Variants in MAN2B1 observed in about 807,000 individuals in gnomAD.
The protein encoded by MAN2B1 is mannosidase alpha class 2B member 1.
In MAN2B1, 99 loss-of-function variants were observed where a neutral mutation model predicts 127.5. The ratio of observed to expected loss-of-function variants is 0.78; its 90% CI spans 0.66 to 0.92. The LOEUF (loss-of-function observed/expected upper bound fraction) is 0.92. MAN2B1 is among the 40% of genes least tolerant of loss of function. The pLI is 0.00. For missense variants in MAN2B1, 1,304 were observed against 1,384.8 expected, an observed-to-expected ratio of 0.94 and a Z score of 0.93; for synonymous variants, 573 against 568.8, an observed-to-expected ratio of 1.01 and a Z score of -0.11.
intron 13 of MAN2B1, 102 bp downstream of exon 13, chr19:12,656,469 G>T: frequency 1.3e-6 from 1 of 792,338 alleles, no homozygotes. Context: ...ATATGCATGA[G>T]TGGGAGGTAT....
chr19:12,660,543 T>G (rs965189498), intron 7 of MAN2B1, among the ~76,000 whole-genome samples: 2 of 151,212 alleles, frequency 1.3e-5, no homozygotes, highest in Non-Finnish European at 2.9e-5. Context: ...GCAGAAGAGG[T>G]GAGAATGAGA....
Position 12,648,370 on chromosome 19 carries a change from G to A in MAN2B1, c.2469C>T (p.Arg823=), listed in dbSNP as rs561895292. ...VHRRLLKDDG[R]GVSEPLMENG... ...TCTCCATTAGTGGCTCCGATACTCCGCGTCCATCGTCCTTCAGCAGCCTTC... is the reference window on the plus strand; with the variant it reads ...TCTCCATTAGTGGCTCCGATACTCCACGTCCATCGTCCTTCAGCAGCCTTC... The change falls in exon 21 of 24, where the codon CGC becomes CGT. Residue 823 remains arginine, a synonymous_variant. Transcript: ENST00000456935. The A allele has an allele frequency of 1.6e-5, 26 of 1,613,318 alleles. No homozygotes were observed. In the South Asian group the frequency reaches 2.7e-4, roughly 17 times the overall value.
At chr19:12,648,569 TC>T (rs1321441922) in intron 20 of MAN2B1, among the ~76,000 whole-genome samples, 167 bp from the exon 21 acceptor site, 1 of 152,014 alleles carries the variant, frequency 6.6e-6, no homozygotes, top group East Asian at 1.9e-4. Context: ...AGAGGCAGGA[TC>T]CAAGTAGGCA....
At position 12,664,859 on chromosome 19, in the gene MAN2B1, C is replaced by A; in HGVS notation, c.563G>T (p.Arg188Leu). ...FLEDTFGNDG[R>L]PRVAWHIDPF... ...GTCAATGTGCCAGGCCACACGGGGTCGCCCATCATTGCCAAATGTGTCCTC... is the reference window on the plus strand; with the variant it reads ...GTCAATGTGCCAGGCCACACGGGGTAGCCCATCATTGCCAAATGTGTCCTC... The change falls in exon 4 of 24, where the codon CGA (arginine) becomes CTA (leucine). Residue 188 changes from arginine to leucine, a missense_variant. Transcript: ENST00000456935. 6.2e-7 allele frequency: 1 copy of A among 1,613,986 alleles called. No homozygotes were observed. The highest frequency in any genetic ancestry group is 1.1e-5 in the South Asian group (1 of 91,052).
chr19:12,650,491 TG>T (rs2023818531), intron 16 of MAN2B1, among the ~76,000 whole-genome samples: 1 of 144,848 alleles, frequency 6.9e-6, no homozygotes, highest in African/African-American at 2.6e-5. Context: ...CCCGAGTAGC[TG>T]GGACTACAGG....
chr19:12,664,610 G>A (rs1256826023), intron 4 of MAN2B1, among the ~76,000 whole-genome samples, 182 bp downstream of exon 4: 1 of 152,150 alleles, frequency 6.6e-6, no homozygotes, highest in Non-Finnish European at 1.5e-5. Flanking sequence ...GCTGGGCATA[G>A]CCGGCTGAGG....
chr19:12,653,135 G>C (rs887672710), intron 14 of MAN2B1, among the ~76,000 whole-genome samples: 5 of 131,910 alleles, frequency 3.8e-5, no homozygotes, highest in African/African-American at 1.4e-4. Flanking sequence ...CACCTGGCCT[G>C]GGTTTTTTGT....
rs769653813 is a variant in MAN2B1, at chr19:12,655,737, A to C, written c.1787T>G (p.Ile596Ser). 9 of 1,608,564 alleles carry C rather than the reference A, an allele frequency of 5.6e-6. No homozygotes were observed. The Admixed American group carries it at 8.4e-5, about 15-fold the overall frequency. The change falls in exon 14 of 24, where the codon ATC becomes AGC. Residue 596 changes from isoleucine (I) to serine (S), a missense_variant. Transcript: ENST00000456935. Reference sequence around the variant, plus strand: ...AGCAGGGGACCAGGATCTTCTGGGGATGGGCTGTGGTGCGCGGGCCTGGGG... The same window carrying C: ...AGCAGGGGACCAGGATCTTCTGGGGCTGGGCTGTGGTGCGCGGGCCTGGGG... ...WKPQARAPQP[I>S]PRRSWSPALT...
At chr19:12,661,996 C>T (rs1158885273) in intron 6 of MAN2B1, among the ~76,000 whole-genome samples, 1 of 152,076 alleles carries the variant, frequency 6.6e-6, no homozygotes, top group African/African-American at 2.4e-5. Context: ...AGGCGTGCGC[C>T]ACCACACCCG....
chr19:12,650,315 A>C, intron 16 of MAN2B1, 93 bp from the exon 17 acceptor site: 1 of 801,500 alleles, frequency 1.2e-6, no homozygotes, highest in Non-Finnish European at 2.2e-6. Flanking sequence ...AACCCCATTA[A>C]GGCCTACATC....
At chr19:12,659,620 A>C (rs1240294600) in intron 7 of MAN2B1, among the ~76,000 whole-genome samples, 1 of 150,106 alleles carries the variant, frequency 6.7e-6, no homozygotes, top group Admixed American at 6.6e-5. Context: ...GAGTTTTGAG[A>C]CCAGCCTGGC....
chr19:12,661,918 C>T (rs994776569), intron 6 of MAN2B1, among the ~76,000 whole-genome samples: 2 of 151,940 alleles, frequency 1.3e-5, no homozygotes, highest in African/African-American at 4.8e-5. Context: ...GATCTCGGCT[C>T]ACTGCAACCT....
intron 14 of MAN2B1, among the ~76,000 whole-genome samples, chr19:12,652,995 G>C (rs917228427): frequency 6.6e-6 from 1 of 151,570 alleles, no homozygotes; most frequent in Non-Finnish European, 1.5e-5. Flanking sequence ...CACCATGCCT[G>C]GCTAATTTTT....
chr19:12,650,118 C>T lies in MAN2B1; in HGVS notation c.2151G>A (p.Gly717=), dbSNP rs746606611. Reference sequence around the variant, plus strand: ...GTGCCACTCACCCCACAGGTATCGGCCCCACCGACCACTCTAGCTCCAGGT... The same window carrying T: ...GTGCCACTCACCCCACAGGTATCGGTCCCACCGACCACTCTAGCTCCAGGT... ...QRHLELEWSV[G]PIPVGDTWGK... is the part of the protein sequence containing the mutation. Residue 717 remains glycine, a synonymous_variant, in exon 17 of 24, where the codon GGG becomes GGA. Transcript: ENST00000456935. 3.1e-6 allele frequency: 5 copies of T among 1,613,974 alleles called. No homozygotes were observed. Among genetic ancestry groups the T allele is most frequent in the Non-Finnish European group, 4.2e-6 (5 of 1,179,950 alleles).
chr19:12,658,605 G>A (rs2024032906), intron 7 of MAN2B1, 95 bp from the exon 8 acceptor site: 5 of 1,098,182 alleles, frequency 4.6e-6, no homozygotes, highest in Non-Finnish European at 6.8e-6. Flanking sequence ...GCATCCCATA[G>A]GTTCAGTTTC....
chr19:12,658,359 G>A lies in MAN2B1; in HGVS notation c.1110-15C>T, dbSNP rs202085731. On this transcript the variant is annotated splice_polypyrimidine_tract_variant and intron_variant, in intron 8 of 23. Coordinates refer to ENST00000456935, the MANE Select transcript of MAN2B1 (RefSeq NM_000528.4). ...GTTTCACTGACCTACAGCGGCAGGGGCATTGAGGGCAGGGTCATGACCCAC... is the reference window on the plus strand; with the variant it reads ...GTTTCACTGACCTACAGCGGCAGGGACATTGAGGGCAGGGTCATGACCCAC... 211 of 1,614,236 alleles carry A rather than the reference G, an allele frequency of 1.3e-4. No homozygotes were observed. The East Asian group carries it at 3.2e-3, about 24-fold the overall frequency.
At position 12,647,468 on chromosome 19, in the gene MAN2B1, C is replaced by T; in HGVS notation, c.2795G>A (p.Ser932Asn). 1.2e-6 allele frequency: 2 copies of T among 1,614,232 alleles called. No individual in the cohort carries two copies. The highest frequency in any genetic ancestry group is 1.7e-6 in the Non-Finnish European group (2 of 1,180,042). Residue 932 changes from serine to asparagine, a missense_variant, in exon 22 of 24, where the codon AGC becomes AAC. Physicochemically the swap from Ser to Asn is conservative, Grantham distance 46. Coordinates refer to ENST00000456935, the MANE Select transcript of MAN2B1 (RefSeq NM_000528.4). The surrounding 1 kb of genome is among the most constrained non-coding windows in gnomAD (Gnocchi z 4.9). Reference protein sequence around the residue: ...AVGEDSGRNLSAPVTLNLRDL... With the variant: ...AVGEDSGRNLNAPVTLNLRDL... ...CCTCAAGTTCAAGGTAACGGGGGCG[C>T]TCAGGTTACGTCCGGAATCCTCTCC...
rs1362644583 is a variant in MAN2B1 at position 12,665,423 on chromosome 19, G to A, written c.365C>T (p.Ala122Val). ...CTGGTGCCACCAACGGGAGAAGAAGGCAATCTCCACGTAAATGAAGCGACG... is the reference window on the plus strand; with the variant it reads ...CTGGTGCCACCAACGGGAGAAGAAGACAATCTCCACGTAAATGAAGCGACG... ...PTRRFIYVEIAFFSRWWHQQT... is the reference protein window; with the variant it reads ...PTRRFIYVEIVFFSRWWHQQT... Residue 122 changes from alanine (A) to valine (V), a missense_variant, in exon 3 of 24, where the codon GCC becomes GTC. By Grantham distance (64) the Ala-to-Val change is moderately conservative (BLOSUM62 0). Transcript: ENST00000456935. 6.2e-7 allele frequency: 1 copy of A among 1,613,024 alleles called. No individual in the cohort carries two copies. Among genetic ancestry groups the A allele is most frequent in the Non-Finnish European group, 8.5e-7 (1 of 1,179,906 alleles).
chr19:12,662,775 T>C (rs965850996), intron 6 of MAN2B1, among the ~76,000 whole-genome samples: 1 of 149,622 alleles, frequency 6.7e-6, no homozygotes. Context: ...CCCTGTCTAC[T>C]AAAAATACAA....
Sources: allele counts gnomAD v4.1 joint callset (sites outside exome capture counted in the v4.1 genomes callset), GRCh38; gene constraint gnomAD v4.1.1; non-coding constraint Gnocchi (gnomAD v3.1); transcripts MANE v1.5; gene names NCBI Gene and HGNC (gene_info 2026-07-23, HGNC 2026-07-21).